The following BRPF3 variants were observed in gnomAD, a reference collection of about 807,000 sequenced individuals.
BRPF3 encodes the protein bromodomain and PHD finger containing 3, also known as bromodomain and PHD finger-containing protein 3.
Under a neutral mutation model 102.0 loss-of-function variants are expected in BRPF3, and 18 were observed. The ratio of observed to expected loss-of-function variants is 0.18; its 90% confidence interval spans 0.12 to 0.26. BRPF3 has a LOEUF of 0.26. Ranked by LOEUF, BRPF3 falls within the 10% of genes least tolerant of loss-of-function variation. The pLI, the probability that BRPF3 is intolerant of heterozygous loss-of-function variation, is 1.00. For missense variants in BRPF3, 1,147 were observed against 1,567.8 expected, an observed-to-expected ratio of 0.73 and a Z score of 4.53; for synonymous variants, 570 against 614.2, an observed-to-expected ratio of 0.93 and a Z score of 1.06.
chr6:36,203,331 A>G (rs1239884923), intron 2 of BRPF3, among the ~76,000 whole-genome samples: 3 of 152,230 alleles, frequency 2.0e-5, no homozygotes, highest in African/African-American at 4.8e-5. Flanking sequence ...ATGAGATAAT[A>G]TAAGTAAAGC....
intron 3 of BRPF3, among the ~76,000 whole-genome samples, chr6:36,205,826 C>A (rs1221148227): frequency 6.6e-6 from 1 of 152,202 alleles, no homozygotes; most frequent in Non-Finnish European, 1.5e-5. Flanking sequence ...GACTTTTTGT[C>A]TTGTCCTCAT....
intron 1 of BRPF3, among the ~76,000 whole-genome samples, chr6:36,199,906 GACAA>G (rs1767633662): frequency 6.6e-6 from 1 of 152,134 alleles, no homozygotes; most frequent in Non-Finnish European, 1.5e-5. Flanking sequence ...CAGTGAACAA[GACAA>G]ACAAAAATTC....
intron 9 of BRPF3, 76 bp downstream of exon 9, chr6:36,218,086 A>C: frequency 4.7e-6 from 6 of 1,272,604 alleles, no homozygotes; most frequent in East Asian, 5.1e-5. Flanking sequence ...TACAGATTGA[A>C]CCTCTTCCTG....
intron 1 of BRPF3, among the ~76,000 whole-genome samples, chr6:36,198,355 G>C (rs529378425): frequency 2.0e-5 from 3 of 152,188 alleles, no homozygotes; most frequent in Non-Finnish European, 4.4e-5. Context: ...GAGGCATAGA[G>C]AGCTTAAGGG....
chr6:36,204,213 G>A (rs1310531186), intron 2 of BRPF3, among the ~76,000 whole-genome samples: 1 of 152,196 alleles, frequency 6.6e-6, no homozygotes, highest in Non-Finnish European at 1.5e-5. Flanking sequence ...CTGGTTGTGG[G>A]CTACCCCCTG....
intron 8 of BRPF3, among the ~76,000 whole-genome samples, chr6:36,214,781 A>G (rs76153756): frequency 6.6e-6 from 1 of 152,356 alleles, no homozygotes; most frequent in East Asian, 1.9e-4. Flanking sequence ...ATTAAAAGCA[A>G]ATGAGTAAAC....
At position 36,211,646 on chromosome 6, in the gene BRPF3, T is replaced by C. The variant is rs574454358; in HGVS notation, c.2482+86T>C. 9 of 1,460,486 alleles carry C rather than the reference T, an allele frequency of 6.2e-6. No homozygotes were observed. The African/African-American group carries it at 1.3e-4, about 21-fold the overall frequency. The allele number at this position is 1,460,486 out of a possible 1,614,324, so 90.5% of individuals were successfully genotyped here. On this transcript the variant is annotated intron_variant, in intron 7 of 12. Transcript: ENST00000357641. ...GAAATATCATAATGGGGGTATTCTT[T>C]CTGAGTTTAGATCTGACACTTGTGG...
rs542134045 is a variant in BRPF3, at chr6:36,202,418, C to CT, written c.1448+648_1448+649insT. Among the ~76,000 whole-genome samples, 91 of 141,860 alleles carry CT rather than the reference C, an allele frequency of 6.4e-4. 3 individuals carry two copies. In the East Asian group the frequency reaches 0.016, roughly 25 times the overall value. The allele number at this position is 141,860 out of a possible 152,430, so 93.1% of individuals were successfully genotyped here. ...GTAGCTAAGCTCTGTGGACCCCCCCCCCCTCCGCCCCCGCCATTGAGTCTG... is the reference window on the plus strand; with the variant it reads ...GTAGCTAAGCTCTGTGGACCCCCCCCTCCCTCCGCCCCCGCCATTGAGTCTG... On this transcript the variant is annotated intron_variant, in intron 2 of 12. Transcript: ENST00000357641.
rs780924309 is a variant in BRPF3, at chr6:36,218,119, C to G, written c.3083+109C>G. On this transcript the variant is annotated intron_variant, in intron 9 of 12. Coordinates refer to ENST00000357641, the MANE Select transcript of BRPF3 (RefSeq NM_015695.3). ...CTGCTTACCTTTTTCTCTCTTCCCC[C>G]ACTCCTGCTATTTCCTGAGGCCTCT... is the stretch of plus-strand genomic sequence containing the variant. 56 of 913,004 alleles carry G rather than the reference C, an allele frequency of 6.1e-5. No individual in the cohort carries two copies. The African/African-American group carries it at 7.2e-4, about 12-fold the overall frequency. The allele number at this position is 913,004 out of a possible 1,614,324, so 56.6% of individuals were successfully genotyped here. A position where few individuals can be genotyped will look rare whatever the true frequency, so the allele number is the denominator to read the frequency against.
Position 36,215,124 on chromosome 6 carries a change from T to G in BRPF3, c.2989+738T>G, listed in dbSNP as rs547574252. On this transcript the variant is annotated intron_variant, in intron 8 of 12. Coordinates refer to ENST00000357641, the MANE Select transcript of BRPF3 (RefSeq NM_015695.3). The stretch of plus-strand genomic sequence containing the variant: ...CTAAAGAGAGGGTTTTTTTTTGTTT[T>G]TTTGTTTTTTTGAGATGAGTCTTGC... 1.1e-3 allele frequency among the ~76,000 whole-genome samples: 172 copies of G among 152,054 alleles called. 1 individual carries two copies. Among genetic ancestry groups the G allele is most frequent in the Non-Finnish European group, 1.9e-3 (126 of 67,998 alleles).
In BRPF3 at chr6:36,230,729, C is replaced by T. The variant is rs567013567; in HGVS notation, c.*120C>T. On this transcript the variant is annotated 3_prime_UTR_variant, in exon 13 of 13. Transcript: ENST00000357641. This position sits in a 1 kb window ranked among gnomAD's most constrained non-coding sequence, Gnocchi z 5.4. ...TCCCCCTCTCATGGTAGGCCAGGGACTGGGCTTTCTCCCCACTAAGGGCAA... is the reference window on the plus strand; with the variant it reads ...TCCCCCTCTCATGGTAGGCCAGGGATTGGGCTTTCTCCCCACTAAGGGCAA... 2 of 1,265,932 alleles carry T rather than the reference C, an allele frequency of 1.6e-6. No homozygotes were observed. Among genetic ancestry groups the T allele is most frequent in the South Asian group, 3.1e-5 (2 of 65,462 alleles). 78.4% of individuals were successfully genotyped at this position (1,265,932 alleles called of 1,614,324 possible). A position where few individuals can be genotyped will look rare whatever the true frequency, so the allele number is the denominator to read the frequency against.
intron 9 of BRPF3, among the ~76,000 whole-genome samples, chr6:36,221,661 G>A (rs1250322511): frequency 6.6e-6 from 1 of 152,066 alleles, no homozygotes; most frequent in African/African-American, 2.4e-5. Context: ...AGTGAGAAGT[G>A]CATTTTTTTT....
At chr6:36,198,612 G>T (rs993977437) in intron 1 of BRPF3, among the ~76,000 whole-genome samples, 2 of 152,224 alleles carry the variant, frequency 1.3e-5, no homozygotes, top group Admixed American at 1.3e-4. Flanking sequence ...AATATTAAAA[G>T]TAAGAGGGCT....
At position 36,200,379 on chromosome 6, in the gene BRPF3, C is replaced by G. The variant is rs1391042537; in HGVS notation, c.57C>G (p.Ser19=). ...RQNAEGRRSP[S]PYSLKCSPTR... ...ATGCCGAGGGCCGGCGTTCCCCGTC[C>G]CCCTACAGTCTCAAGTGCTCACCCA... Residue 19 remains serine (S), a synonymous_variant, in exon 2 of 13, where the codon TCC becomes TCG. Transcript: ENST00000357641. This position sits in a 1 kb window ranked among gnomAD's most constrained non-coding sequence, Gnocchi z 5.3. 6.2e-7 allele frequency: 1 copy of G among 1,614,242 alleles called. No individual in the cohort carries two copies. The highest frequency in any genetic ancestry group is 8.5e-7 in the Non-Finnish European group (1 of 1,180,036).
chr6:36,204,412 G>T lies in BRPF3; in HGVS notation c.1449-246G>T, dbSNP rs116645488. 1,706 of 523,282 alleles carry T rather than the reference G, an allele frequency of 3.3e-3. 20 individuals are homozygous for T. The highest frequency in any genetic ancestry group is 0.027 in the African/African-American group (1,416 of 52,218). 32.4% of individuals were successfully genotyped at this position (523,282 alleles called of 1,614,324 possible). A position where few individuals can be genotyped will look rare whatever the true frequency, so the allele number is the denominator to read the frequency against. On this transcript the variant is annotated intron_variant, in intron 2 of 12. Coordinates refer to ENST00000357641, the MANE Select transcript of BRPF3 (RefSeq NM_015695.3). Reference sequence around the variant, plus strand: ...CATAGGAAACGGGACTCTGGGAGATGGTTCTTTTGGAGGATTAGGACTGCA... The same window carrying T: ...CATAGGAAACGGGACTCTGGGAGATTGTTCTTTTGGAGGATTAGGACTGCA...
At chr6:36,224,045 T>C (rs754991305) in intron 10 of BRPF3, among the ~76,000 whole-genome samples, 4 of 152,220 alleles carry the variant, frequency 2.6e-5, no homozygotes, top group Non-Finnish European at 5.9e-5. Flanking sequence ...AATAGTATCT[T>C]ATAATTTTAA....
At chr6:36,213,795 G>A in intron 7 of BRPF3, 85 bp from the exon 8 acceptor site, 2 of 1,382,416 alleles carry the variant, frequency 1.4e-6, no homozygotes, top group South Asian at 2.8e-5. Context: ...AATGCTTTTG[G>A]TCCTTGGTTG....
At chr6:36,212,667 GT>G (rs1327442032) in intron 7 of BRPF3, among the ~76,000 whole-genome samples, 1 of 150,234 alleles carries the variant, frequency 6.7e-6, no homozygotes, top group African/African-American at 2.4e-5. Context: ...ATTTTTAAAA[GT>G]TTCGGCCGGG....
At chr6:36,204,843 A>G in intron 3 of BRPF3, 29 bp downstream of exon 3, 1 of 1,606,636 alleles carries the variant, frequency 6.2e-7, no homozygotes, top group Non-Finnish European at 8.5e-7. Context: ...TGAGGCTGGT[A>G]GAGGGAGGTG....
Sources: gnomAD v4.1 joint callset for allele counts (sites outside exome capture counted in the v4.1 genomes callset) on GRCh38, gnomAD v4.1.1 for gene constraint, Gnocchi (gnomAD v3.1) non-coding constraint, MANE v1.5 for transcripts, NCBI Gene and HGNC (gene_info 2026-07-23, HGNC 2026-07-21) for gene names.